The following ANK2 variants were observed in gnomAD, a reference collection of about 807,000 sequenced individuals.
ANK2 encodes ankyrin-2.
A neutral mutation model predicts 360.5 loss-of-function variants in ANK2; 83 were observed. That is an observed-to-expected ratio of 0.23 (90% CI 0.19 to 0.28). ANK2 has a LOEUF of 0.28. ANK2 is among the 10% of genes least tolerant of loss of function. ANK2 has a pLI of 1.00. For missense variants in ANK2, 4,201 were observed against 4,795.7 expected, an observed-to-expected ratio of 0.88 and a Z score of 3.66; for synonymous variants, 1,740 against 1,759.5, an observed-to-expected ratio of 0.99 and a Z score of 0.28.
intron 13 of ANK2, among the ~76,000 whole-genome samples, chr4:113,262,684 G>C (rs1241269319): frequency 2.0e-5 from 3 of 150,256 alleles, no homozygotes; most frequent in African/African-American, 7.5e-5. Context: ...ATTTTAAAAA[G>C]TACAGTATAA....
chr4:112,721,361 G>A, the ANK2 span, among the ~76,000 whole-genome samples: 1 of 151,964 alleles, frequency 6.6e-6, no homozygotes, highest in Admixed American at 6.6e-5. Context: ...CCAACATAGT[G>A]AAACCCTGTC....
At chr4:112,849,506 G>C (rs2064118546) in intron 1 of ANK2, among the ~76,000 whole-genome samples, 3 of 152,022 alleles carry the variant, frequency 2.0e-5, no homozygotes, top group Admixed American at 2.0e-4. Context: ...ACTCCTTTCT[G>C]GATTTCCATT....
At chr4:113,310,532 T>G (rs1337307549) in intron 23 of ANK2, among the ~76,000 whole-genome samples, 1 of 152,096 alleles carries the variant, frequency 6.6e-6, no homozygotes, top group African/African-American at 2.4e-5. Context: ...TTCTCCTGCC[T>G]CAGCCTCCCA....
chr4:112,745,427 C>A, the ANK2 span, among the ~76,000 whole-genome samples: 2 of 151,338 alleles, frequency 1.3e-5, no homozygotes, highest in African/African-American at 4.9e-5. Context: ...ATTTATCCTT[C>A]TTTTATGTTA....
intron 11 of ANK2, among the ~76,000 whole-genome samples, chr4:113,256,201 T>A (rs1307460902): frequency 3.9e-5 from 6 of 152,184 alleles, no homozygotes; most frequent in African/African-American, 1.4e-4. Context: ...ACCTTTGGAG[T>A]GATAAGCAGT....
At position 113,237,186 on chromosome 4, in the gene ANK2, AAC is replaced by A. The variant is rs754114380; in HGVS notation, c.669+18_669+19del. ...GTACAATCCAAGGTACTTAAAGCTG[AAC>A]ACATTTGTGGAAAGGAACTCTTTGG... On this transcript the variant is annotated intron_variant, in intron 6 of 45. Transcript: ENST00000357077. 7.4e-6 allele frequency: 12 copies of A among 1,611,674 alleles called. No individual in the cohort carries two copies. The highest frequency in any genetic ancestry group is 1.0e-5 in the Non-Finnish European group (12 of 1,178,162).
At chr4:112,710,903 T>TTTTATA in the ANK2 span, among the ~76,000 whole-genome samples, 4 of 141,292 alleles carry the variant, frequency 2.8e-5, no homozygotes, top group African/African-American at 7.8e-5. Context: ...TGAACAGGTT[T>TTTTATA]TATATATATA....
At chr4:112,862,419 C>T (rs1390904495) in intron 1 of ANK2, among the ~76,000 whole-genome samples, 2 of 152,126 alleles carry the variant, frequency 1.3e-5, no homozygotes, top group East Asian at 3.9e-4. Context: ...TGTGTGAAGG[C>T]TGGACTTCAT....
chr4:112,706,865 T>C, the ANK2 span: 2 of 152,226 alleles, frequency 1.3e-5, no homozygotes, highest in Non-Finnish European at 2.9e-5. Flanking sequence ...GCACGTTTCT[T>C]TGACTGTTTG....
chr4:113,057,203 TA>T (rs1329344332), intron 1 of ANK2, among the ~76,000 whole-genome samples: 3 of 152,158 alleles, frequency 2.0e-5, no homozygotes, highest in African/African-American at 7.2e-5. Flanking sequence ...ATATTATAGG[TA>T]TACTCACACA....
intron 2 of ANK2, among the ~76,000 whole-genome samples, chr4:112,992,205 G>A (rs1464361047): frequency 2.0e-5 from 3 of 150,620 alleles, no homozygotes; most frequent in East Asian, 2.0e-4. Flanking sequence ...GTACAGTGGC[G>A]TGATCTCAGC....
At chr4:112,812,480 A>G in the ANK2 span, among the ~76,000 whole-genome samples, 1 of 152,208 alleles carries the variant, frequency 6.6e-6, no homozygotes, top group African/African-American at 2.4e-5. Flanking sequence ...GAAAAGCAAC[A>G]TAAGAGGCAC....
At chr4:113,225,579 G>A (rs1450872381) in intron 4 of ANK2, among the ~76,000 whole-genome samples, 1 of 152,102 alleles carries the variant, frequency 6.6e-6, no homozygotes, top group African/African-American at 2.4e-5. Context: ...CTTTAAAATT[G>A]ATAATAATGA....
At chr4:113,285,158 G>A (rs1460187756) in intron 18 of ANK2, among the ~76,000 whole-genome samples, 4 of 147,286 alleles carry the variant, frequency 2.7e-5, no homozygotes, top group Non-Finnish European at 6.0e-5. Context: ...TTTTTTTCCA[G>A]AAACCTTTCA....
rs886038862 is a variant in ANK2 at position 113,353,635 on chromosome 4, A to G, written c.5017A>G (p.Arg1673Gly). ...GAAATGTGAGGCTCTGGCTGTTGGC[A>G]GGAGCTCTGAAAAGGAAGGGAAAGA... ...GKKCEALAVG[R>G]SSEKEGKDIP... The change falls in exon 38 of 46, where the codon AGG becomes GGG. Residue 1673 changes from arginine (R) to glycine (G), a missense_variant. Arg to Gly is a moderately radical substitution (Grantham distance 125). This residue lies in a region of ANK2 where 1,268 missense variants were observed against 1,650.8 expected (regional missense o/e 0.77). Coordinates refer to ENST00000357077, the MANE Select transcript of ANK2 (RefSeq NM_001148.6). 2.7e-5 allele frequency: 44 copies of G among 1,614,058 alleles called. No homozygotes were observed. The highest frequency in any genetic ancestry group is 3.5e-5 in the Non-Finnish European group (41 of 1,179,972).
At chr4:112,922,067 A>C (rs770477336) in intron 2 of ANK2, among the ~76,000 whole-genome samples, 4 of 152,190 alleles carry the variant, frequency 2.6e-5, no homozygotes, top group African/African-American at 4.8e-5. Flanking sequence ...AAATATTGTA[A>C]TTCTTGAAAT....
chr4:113,261,392 G>A (rs1224890797), intron 13 of ANK2, among the ~76,000 whole-genome samples: 2 of 151,922 alleles, frequency 1.3e-5, no homozygotes, highest in Non-Finnish European at 2.9e-5. Context: ...AGAAATCAGT[G>A]GACTAATGGT....
At chr4:113,375,254 T>C (rs2096883703) in intron 45 of ANK2, among the ~76,000 whole-genome samples, 1 of 152,254 alleles carries the variant, frequency 6.6e-6, no homozygotes, top group South Asian at 2.1e-4. Flanking sequence ...CACAGAAGTG[T>C]CTTGCTTTGT....
intron 1 of ANK2, among the ~76,000 whole-genome samples, chr4:112,903,570 A>G (rs1395803524): frequency 6.6e-6 from 1 of 152,184 alleles, no homozygotes; most frequent in African/African-American, 2.4e-5. Flanking sequence ...GCATGGCCAT[A>G]TATTAGTGGC....
Sources: gnomAD v4.1 joint callset for allele counts (sites outside exome capture counted in the v4.1 genomes callset) on GRCh38, gnomAD v4.1.1 for gene constraint, gnomAD v4.1.1 regional missense constraint, MANE v1.5 for transcripts, NCBI Gene and HGNC (gene_info 2026-07-23, HGNC 2026-07-21) for gene names.